RFX3: variants seen among roughly 807,000 people sequenced by gnomAD.
RFX3 encodes the protein transcription factor RFX3.
A neutral mutation model predicts 98.6 loss-of-function variants in RFX3; 14 were observed. The observed-to-expected ratio is 0.14, with a 90% CI of 0.09 to 0.22. The LOEUF is 0.22. Ranked by LOEUF, RFX3 falls within the 10% of genes least tolerant of loss-of-function variation. The pLI, the probability that RFX3 is intolerant of heterozygous loss-of-function variation, is 1.00. For synonymous variants in RFX3, 383 were observed against 328.4 expected, an observed-to-expected ratio of 1.17 and a Z score of -1.80; for missense variants, 639 against 926.9, an observed-to-expected ratio of 0.69 and a Z score of 4.03.
intron 1 of RFX3, among the ~76,000 whole-genome samples, chr9:3,514,707 C>T (rs1817983763): frequency 6.6e-6 from 1 of 152,108 alleles, no homozygotes; most frequent in Non-Finnish European, 1.5e-5. Flanking sequence ...TCTCAGCCTC[C>T]CAATGTGCTG....
rs1053770128 is a variant in RFX3, at chr9:3,339,412, G to A, written c.215+7255C>T. On this transcript the variant is annotated intron_variant, in intron 3 of 16. Coordinates refer to ENST00000617270, the MANE Select transcript of RFX3 (RefSeq NM_001282116.2). ...AGAAAAACCGAGTAACCACACACAT[G>A]TACGTTAAGTCTCGAAAGTTTTTCA... is the stretch of plus-strand genomic sequence containing the variant. 2.0e-4 allele frequency among the ~76,000 whole-genome samples: 27 copies of A among 133,234 alleles called. 1 individual carries two copies. Among genetic ancestry groups the A allele is most frequent in the Admixed American group, 1.8e-3 (26 of 14,468 alleles). 87.4% of individuals were successfully genotyped at this position (133,234 alleles called of 152,430 possible).
chr9:3,413,057 C>T (rs528088002), intron 1 of RFX3, among the ~76,000 whole-genome samples: 48 of 151,604 alleles, frequency 3.2e-4, no homozygotes, highest in Admixed American at 2.0e-3. Context: ...ACAGGAAAAA[C>T]CAAAAAACCT....
rs1183461913 is a variant in RFX3 at position 3,405,426 on chromosome 9, AT to A, written c.-8-9831del. 4.6e-5 allele frequency among the ~76,000 whole-genome samples: 7 copies of A among 152,294 alleles called. No homozygotes were observed. In the East Asian group the frequency reaches 1.4e-3, roughly 29 times the overall value. The stretch of plus-strand genomic sequence containing the variant: ...TTAACTACCCATTGAATCTCTTTAA[AT>A]AGACTATCATCATTACAAGTCCACC... On this transcript the variant is annotated intron_variant, in intron 1 of 16. Coordinates refer to ENST00000617270, the MANE Select transcript of RFX3 (RefSeq NM_001282116.2).
intron 1 of RFX3, among the ~76,000 whole-genome samples, chr9:3,403,729 G>A (rs939932923): frequency 6.6e-6 from 1 of 152,102 alleles, no homozygotes; most frequent in Non-Finnish European, 1.5e-5. Context: ...CCAAACTGCT[G>A]GAAAGACATA....
intron 15 of RFX3, among the ~76,000 whole-genome samples, chr9:3,245,792 G>T (rs566462621): frequency 6.6e-6 from 1 of 152,200 alleles, no homozygotes; most frequent in African/African-American, 2.4e-5. Context: ...TGCTGTGACT[G>T]GGAGTTATGG....
chr9:3,384,188 A>G (rs996582754), intron 2 of RFX3, among the ~76,000 whole-genome samples: 1 of 136,704 alleles, frequency 7.3e-6, no homozygotes, highest in Middle Eastern at 3.3e-3. Context: ...CTCTCCACAT[A>G]CACAATGACA....
intron 1 of RFX3, among the ~76,000 whole-genome samples, chr9:3,457,792 T>C (rs1293991638): frequency 1.3e-5 from 2 of 152,074 alleles, no homozygotes; most frequent in Admixed American, 1.3e-4. Context: ...GTTTTACCGA[T>C]TGCCATCTAT....
At chr9:3,282,201 A>T (rs1372242905) in intron 7 of RFX3, among the ~76,000 whole-genome samples, 1 of 151,798 alleles carries the variant, frequency 6.6e-6, no homozygotes, top group African/African-American at 2.4e-5. Context: ...AAGTGATATA[A>T]ACGCTAATGG....
At chr9:3,505,381 A>ATAAATATAAAATAAAATACTTTAT (rs1266674027) in intron 1 of RFX3, among the ~76,000 whole-genome samples, 1 of 354 alleles carries the variant, frequency 2.8e-3, no homozygotes, top group Non-Finnish European at 0.017. Context: ...AATATTTTAT[A>ATAAATATAAAATAAAATACTTTAT]TTTATATAAT....
chr9:3,354,949 C>T (rs1835575841), intron 2 of RFX3, among the ~76,000 whole-genome samples: 1 of 151,540 alleles, frequency 6.6e-6, no homozygotes, highest in East Asian at 1.9e-4. Context: ...AAGTGAAATG[C>T]AGGAATGACA....
At chr9:3,258,342 A>G (rs1458494218) in intron 13 of RFX3, among the ~76,000 whole-genome samples, 1 of 152,108 alleles carries the variant, frequency 6.6e-6, no homozygotes. Flanking sequence ...ATATGCTCTC[A>G]AAAAACAAGT....
intron 2 of RFX3, among the ~76,000 whole-genome samples, chr9:3,383,249 A>T (rs936103258): frequency 3.3e-5 from 5 of 152,162 alleles, no homozygotes; most frequent in African/African-American, 7.2e-5. Flanking sequence ...TCACTTTTTT[A>T]AATTTGCTAG....
chr9:3,471,031 T>C (rs533331395), intron 1 of RFX3, among the ~76,000 whole-genome samples: 1 of 152,348 alleles, frequency 6.6e-6, no homozygotes, highest in African/African-American at 2.4e-5. Flanking sequence ...TCTACATTAA[T>C]GTAATTCTCA....
chr9:3,415,031 T>G (rs1392591478), intron 1 of RFX3, among the ~76,000 whole-genome samples: 1 of 133,622 alleles, frequency 7.5e-6, no homozygotes, highest in African/African-American at 2.7e-5. Flanking sequence ...CTTATATATT[T>G]ACTTTTATAT....
chr9:3,262,640 A>T (rs1823067516), intron 13 of RFX3, among the ~76,000 whole-genome samples: 2 of 152,208 alleles, frequency 1.3e-5, no homozygotes, highest in South Asian at 4.1e-4. Flanking sequence ...AGACAGCTTA[A>T]TTTCTTGCCT....
chr9:3,313,517 T>A (rs962927476), intron 4 of RFX3, among the ~76,000 whole-genome samples: 2 of 152,156 alleles, frequency 1.3e-5, no homozygotes, highest in African/African-American at 4.8e-5. Context: ...GGATGGAGAA[T>A]AATTTTGACG....
At chr9:3,321,050 G>GT (rs1831241790) in intron 4 of RFX3, among the ~76,000 whole-genome samples, 1 of 151,722 alleles carries the variant, frequency 6.6e-6, no homozygotes, top group Admixed American at 6.6e-5. Context: ...TTACAGGCAT[G>GT]TGCCACCAAA....
chr9:3,345,711 G>A (rs751031205), intron 3 of RFX3, among the ~76,000 whole-genome samples: 7 of 152,050 alleles, frequency 4.6e-5, no homozygotes, highest in Non-Finnish European at 8.8e-5. Flanking sequence ...CCAGAATTCT[G>A]TTTTTAGTTA....
At chr9:3,429,400 T>A (rs1844437482) in intron 1 of RFX3, among the ~76,000 whole-genome samples, 3 of 149,382 alleles carry the variant, frequency 2.0e-5, no homozygotes, top group Non-Finnish European at 4.4e-5. Flanking sequence ...TATATACCAA[T>A]ACTATATATA....
Sources: allele counts gnomAD v4.1 joint callset (sites outside exome capture counted in the v4.1 genomes callset), GRCh38; gene constraint gnomAD v4.1.1; transcripts MANE v1.5; gene names NCBI Gene and HGNC (gene_info 2026-07-23, HGNC 2026-07-21).